Variants in ZNF185 observed in about 807,000 individuals in gnomAD.
ZNF185 encodes zinc finger protein 185 with LIM domain.
Under a neutral mutation model 58.6 loss-of-function variants are expected in ZNF185, and 56 were observed. That is an observed-to-expected ratio of 0.95 (90% CI 0.77 to 1.19). The LOEUF (loss-of-function observed/expected upper bound fraction) is 1.19, where lower values mean the gene tolerates loss of function less well. Ranked by LOEUF, ZNF185 falls within the 50% of genes most tolerant of loss-of-function variation. The pLI, the probability that ZNF185 is intolerant of heterozygous loss-of-function variation, is 0.00. For missense variants in ZNF185, 627 were observed against 573.5 expected (o/e 1.09, Z -0.95); for synonymous variants, 230 against 215.9 (o/e 1.07, Z -0.57).
chrX:152,927,667 G>A (rs150552377), intron 11 of ZNF185, among the ~76,000 whole-genome samples: 1,813 of 111,952 alleles, frequency 0.016, 33 homozygotes, highest in African/African-American at 0.056. Context: ...CCTCCATGAA[G>A]CTTGTCCACT....
chrX:152,942,605 T>A (rs1258149564), intron 15 of ZNF185, among the ~76,000 whole-genome samples: 8 of 112,559 alleles, frequency 7.1e-5, no homozygotes, highest in African/African-American at 2.6e-4. Flanking sequence ...TTGGTTTGAT[T>A]TCATTTGACA....
chrX:152,932,258 G>A (rs918759758), intron 13 of ZNF185, among the ~76,000 whole-genome samples: 3 of 112,543 alleles, frequency 2.7e-5, no homozygotes, highest in Admixed American at 9.3e-5. Flanking sequence ...AGGATGACCC[G>A]TGGACTAAGG....
chrX:152,933,456 C>T (rs1283076042), intron 14 of ZNF185, among the ~76,000 whole-genome samples: 1 of 111,985 alleles, frequency 8.9e-6, no homozygotes, highest in East Asian at 2.8e-4. Flanking sequence ...CTCTGAGGTT[C>T]AGGGAGAGGA....
the ZNF185 span, among the ~76,000 whole-genome samples, chrX:152,909,034 T>C: frequency 0.044 from 4,930 of 112,852 alleles, 235 homozygotes; most frequent in African/African-American, 0.15. Flanking sequence ...TCCCAGTGGT[T>C]GGGTCTTCTG....
At chrX:152,917,779 G>A (rs1938811614) in intron 5 of ZNF185, 1 of 1,020,393 alleles carries the variant, frequency 9.8e-7, no homozygotes, top group Non-Finnish European at 1.3e-6. Context: ...CTTGGCATCA[G>A]GCATTGCCTG....
chrX:152,951,581 C>T lies in ZNF185; in HGVS notation c.1409+6117C>T, dbSNP rs12011150. ...TTTTAGCAGTTTATATATATATATA[C>T]ACACACACTTATTTACTTATTATAA... On this transcript the variant is annotated intron_variant, in intron 16 of 22. Coordinates refer to ENST00000449285, the Ensembl canonical transcript of ZNF185. 5.5e-3 allele frequency among the ~76,000 whole-genome samples: 602 copies of T among 109,223 alleles called. 3 individuals carry two copies. Among genetic ancestry groups the T allele is most frequent in the African/African-American group, 0.02 (583 of 28,765 alleles). The allele number at this position is 109,223 out of a possible 115,157, so 94.8% of individuals were successfully genotyped here. A position where few individuals can be genotyped will look rare whatever the true frequency, so the allele number is the denominator to read the frequency against.
intron 12 of ZNF185, among the ~76,000 whole-genome samples, chrX:152,930,295 G>A (rs1178149987): frequency 8.9e-6 from 1 of 112,399 alleles, no homozygotes; most frequent in Non-Finnish European, 1.9e-5. Flanking sequence ...AGGCATTGAA[G>A]TCAAAATTTC....
At chrX:152,969,407 T>C in exon 21 of ZNF185, 1 of 1,208,253 alleles carries the variant, frequency 8.3e-7, no homozygotes, top group Non-Finnish European at 1.1e-6. Context: ...CTGTACTTAC[T>C]GCAACCGTGA....
the ZNF185 span, among the ~76,000 whole-genome samples, chrX:152,902,203 A>T: frequency 1.8e-5 from 2 of 112,939 alleles, no homozygotes; most frequent in Non-Finnish European, 3.7e-5. Flanking sequence ...GAGAGGAGAC[A>T]TAGCCTCTGG....
In ZNF185 at chrX:152,917,366, T is replaced by C; in HGVS notation, c.341+4T>C. 8.3e-7 allele frequency: 1 copy of C among 1,211,192 alleles called. No homozygotes were observed. Among genetic ancestry groups the C allele is most frequent in the Non-Finnish European group, 1.1e-6 (1 of 895,196 alleles). On this transcript the variant is annotated splice_donor_region_variant and intron_variant, in intron 5 of 22. Coordinates refer to ENST00000449285, the Ensembl canonical transcript of ZNF185. ...AGGCCAACGGGACTCCAAAAAGGTA[T>C]GTCCATGGGGTGTTGGCCAGTCGGC...
chrX:152,941,413 T>G (rs1289342015), intron 15 of ZNF185, among the ~76,000 whole-genome samples: 1 of 112,622 alleles, frequency 8.9e-6, no homozygotes, highest in Non-Finnish European at 1.9e-5. Flanking sequence ...GTGCTAAGGT[T>G]GACAAACCTT....
chrX:152,955,586 A>G (rs1031300417), intron 16 of ZNF185, among the ~76,000 whole-genome samples: 1 of 112,725 alleles, frequency 8.9e-6, no homozygotes, highest in Non-Finnish European at 1.9e-5. Flanking sequence ...GTACACAACA[A>G]TGGCTTGCCA....
chrX:152,915,150 A>G (rs186008747), exon 3 of ZNF185: 1 of 1,208,878 alleles, frequency 8.3e-7, no homozygotes, highest in East Asian at 3.0e-5. Flanking sequence ...AGCTGCCCTC[A>G]GGCCGGAGTC....
chrX:152,911,350 C>T (rs931147937), upstream of ZNF185, among the ~76,000 whole-genome samples: 9 of 111,589 alleles, frequency 8.1e-5, no homozygotes. Context: ...GGGAAAGAGG[C>T]TGGCTCAGGG....
intron 16 of ZNF185, among the ~76,000 whole-genome samples, chrX:152,950,000 T>C (rs151212252): frequency 9.0e-6 from 1 of 111,616 alleles, no homozygotes; most frequent in East Asian, 2.8e-4. Flanking sequence ...AGTTTTCACT[T>C]TAATACTCCA....
chrX:152,935,644 T>C (rs1435578098), intron 14 of ZNF185, among the ~76,000 whole-genome samples: 1 of 112,735 alleles, frequency 8.9e-6, no homozygotes, highest in Non-Finnish European at 1.9e-5. Flanking sequence ...TCTCCATTAG[T>C]GGCAGCTCAA....
At chrX:152,905,052 C>G in the ZNF185 span, among the ~76,000 whole-genome samples, 1 of 113,131 alleles carries the variant, frequency 8.8e-6, no homozygotes, top group Non-Finnish European at 1.9e-5. Context: ...CGTCAGTACT[C>G]CTTCCTTTGC....
intron 20 of ZNF185, among the ~76,000 whole-genome samples, chrX:152,967,767 A>T (rs1569518211): frequency 8.9e-6 from 1 of 112,245 alleles, no homozygotes; most frequent in Non-Finnish European, 1.9e-5. Flanking sequence ...AGATGATGGC[A>T]CAGTCACTAG....
chrX:152,903,155 G>A, the ZNF185 span, among the ~76,000 whole-genome samples: 1 of 110,083 alleles, frequency 9.1e-6, no homozygotes, highest in East Asian at 2.8e-4. Flanking sequence ...TTGGGAGGCT[G>A]AGGTGGGTGG....
Sources: allele counts gnomAD v4.1 joint callset (sites outside exome capture counted in the v4.1 genomes callset), GRCh38; gene constraint gnomAD v4.1.1; transcripts MANE v1.5; gene names NCBI Gene and HGNC (gene_info 2026-07-23, HGNC 2026-07-21).